MLIP: variants seen among roughly 807,000 people sequenced by gnomAD.
MLIP encodes the protein muscular LMNA interacting protein, also known as muscular LMNA-interacting protein.
Under a neutral mutation model 84.8 loss-of-function variants are expected in MLIP, and 79 were observed. That is an observed-to-expected ratio of 0.93 (90% CI 0.78 to 1.12). The LOEUF (loss-of-function observed/expected upper bound fraction) is 1.12. MLIP is among the 50% of genes most tolerant of loss of function. The probability of loss-of-function intolerance (pLI) is 0.00; values close to 1 mark genes in which losing one functional copy is unlikely to be tolerated. For synonymous variants in MLIP, 504 were observed against 463.0 expected, an observed-to-expected ratio of 1.09 and a Z score of -1.14; for missense variants, 1,257 against 1,160.6, an observed-to-expected ratio of 1.08 and a Z score of -1.21.
At chr6:54,246,467 T>A (rs139455485) in intron 12 of MLIP, among the ~76,000 whole-genome samples, 6 of 152,278 alleles carry the variant, frequency 3.9e-5, no homozygotes, top group African/African-American at 1.4e-4. Flanking sequence ...TGGTTCATAT[T>A]GGAGAGACAA....
chr6:54,025,755 C>T (rs958615067), intron 1 of MLIP, among the ~76,000 whole-genome samples: 49 of 151,604 alleles, frequency 3.2e-4, no homozygotes, highest in Admixed American at 6.6e-4. Context: ...CCTAAGCTGC[C>T]GGCTCATGTT....
intron 1 of MLIP, among the ~76,000 whole-genome samples, chr6:54,035,397 G>A (rs1479335654): frequency 1.3e-5 from 2 of 152,056 alleles, no homozygotes; most frequent in Non-Finnish European, 2.9e-5. Flanking sequence ...CCAATGTTTA[G>A]CTATTATAAA....
At chr6:54,071,911 C>T (rs571265867) in intron 1 of MLIP, among the ~76,000 whole-genome samples, 1 of 152,316 alleles carries the variant, frequency 6.6e-6, no homozygotes. Context: ...TGCCTATTGC[C>T]TCACAATCAT....
rs112434980 is a variant in MLIP at position 54,233,817 on chromosome 6, T to C, written c.2922+2900T>C. Among the ~76,000 whole-genome samples the C allele has an allele frequency of 3.9e-4, 59 of 152,290 alleles. 2 individuals are homozygous for C. Among genetic ancestry groups the C allele is most frequent in the African/African-American group, 1.4e-3 (58 of 41,574 alleles). The stretch of plus-strand genomic sequence containing the variant: ...AACTAATTTACACTCCCACCAACAG[T>C]GTAAAAGATTTCTTCTCTCTCCAGA... On this transcript the variant is annotated intron_variant, in intron 12 of 13. Transcript: ENST00000502396.
intron 11 of MLIP, among the ~76,000 whole-genome samples, chr6:54,206,032 A>G (rs1779013783): frequency 6.6e-6 from 1 of 152,182 alleles, no homozygotes; most frequent in African/African-American, 2.4e-5. Context: ...AATTCATTGG[A>G]CTAATGGGCA....
intron 12 of MLIP, among the ~76,000 whole-genome samples, chr6:54,245,596 T>C (rs909865274): frequency 2.0e-5 from 3 of 152,124 alleles, no homozygotes; most frequent in African/African-American, 7.2e-5. Flanking sequence ...TCTTTGCAAA[T>C]TGAGTTTTTA....
chr6:54,033,278 T>C (rs1764242274), intron 1 of MLIP, among the ~76,000 whole-genome samples: 2 of 151,758 alleles, frequency 1.3e-5, no homozygotes, highest in African/African-American at 4.8e-5. Context: ...TTTTTTTTTT[T>C]TTTTTTGAGA....
intron 1 of MLIP, chr6:54,040,984 G>A (rs1275155767): frequency 6.6e-6 from 1 of 152,058 alleles, no homozygotes; most frequent in East Asian, 1.9e-4. Context: ...CTACGTGGGT[G>A]AGGGGATCAA....
Position 54,065,418 on chromosome 6 carries a change from A to G in MLIP, c.63+46327A>G, listed in dbSNP as rs1358376765. 5.0e-5 allele frequency among the ~76,000 whole-genome samples: 5 copies of G among 100,952 alleles called. 2 individuals are homozygous for G. Among genetic ancestry groups the G allele is most frequent in the Non-Finnish European group, 1.4e-4 (5 of 35,130 alleles). 66.2% of individuals were successfully genotyped at this position (100,952 alleles called of 152,430 possible). On this transcript the variant is annotated intron_variant, in intron 1 of 12. Transcript: ENST00000274897. ...ATTTAGAGGCATATTCAAAGATATT[A>G]CTAAATGTATAAAGGGATTTGCACC...
intron 11 of MLIP, among the ~76,000 whole-genome samples, chr6:54,223,960 A>G (rs899416700): frequency 6.6e-6 from 1 of 151,646 alleles, no homozygotes; most frequent in Non-Finnish European, 1.5e-5. Flanking sequence ...AAAATGCTAA[A>G]TGAATAAGAA....
chr6:54,257,692 A>T (rs1783102287), intron 13 of MLIP, among the ~76,000 whole-genome samples: 1 of 152,016 alleles, frequency 6.6e-6, no homozygotes. Flanking sequence ...GGGTCAATGG[A>T]TGTCCCATAA....
intron 5 of MLIP, among the ~76,000 whole-genome samples, chr6:54,156,632 A>G (rs1308132885): frequency 2.0e-5 from 3 of 152,124 alleles, no homozygotes; most frequent in African/African-American, 7.2e-5. Context: ...CAAAGAGTTT[A>G]AATCACTTCT....
chr6:54,055,704 T>C (rs1765624307), intron 1 of MLIP, among the ~76,000 whole-genome samples: 1 of 152,130 alleles, frequency 6.6e-6, no homozygotes, highest in African/African-American at 2.4e-5. Flanking sequence ...AATATGATTA[T>C]TAAAATATAT....
chr6:54,226,010 C>G (rs1208499256), intron 11 of MLIP, among the ~76,000 whole-genome samples: 3 of 152,060 alleles, frequency 2.0e-5, no homozygotes, highest in Admixed American at 2.0e-4. Context: ...AGGGAGAAAG[C>G]CAAGTACTGA....
rs922748196 is a variant in MLIP at position 54,239,356 on chromosome 6, C to CATATATATATAATATATATATATATA, written c.2922+8451_2922+8476dup. On this transcript the variant is annotated intron_variant, in intron 12 of 13. Transcript: ENST00000502396. The stretch of plus-strand genomic sequence containing the variant: ...TTCTGATCAGTCTGGGCCATTTAAA[C>CATATATATATAATATATATATATATA]ATATATATATAATATATATATATAT... Among the ~76,000 whole-genome samples the CATATATATATAATATATATATATATA allele has an allele frequency of 3.8e-4, 53 of 140,586 alleles. 1 individual carries two copies. In the East Asian group the frequency reaches 7.1e-3, roughly 19 times the overall value. The allele number at this position is 140,586 out of a possible 152,430, so 92.2% of individuals were successfully genotyped here.
intron 12 of MLIP, among the ~76,000 whole-genome samples, chr6:54,239,858 T>C (rs78304822): frequency 0.025 from 3,863 of 152,214 alleles, 141 homozygotes; most frequent in African/African-American, 0.085. Context: ...TCTACCACTA[T>C]AATAAACCCT....
chr6:54,196,131 C>A (rs1778277538), intron 10 of MLIP, among the ~76,000 whole-genome samples: 1 of 151,980 alleles, frequency 6.6e-6, no homozygotes, highest in South Asian at 2.1e-4. Context: ...GATCAAAAAG[C>A]CAATTCAAGA....
intron 12 of MLIP, among the ~76,000 whole-genome samples, chr6:54,255,361 G>A (rs185841587): frequency 2.0e-5 from 3 of 152,140 alleles, no homozygotes; most frequent in African/African-American, 4.8e-5. Flanking sequence ...CACCTTACCA[G>A]GTTGTTGTGA....
intron 5 of MLIP, among the ~76,000 whole-genome samples, chr6:54,155,862 T>G (rs1458958621): frequency 6.6e-6 from 1 of 152,106 alleles, no homozygotes; most frequent in East Asian, 1.9e-4. Context: ...ACACTTGTAA[T>G]GAGAGTATTT....
Sources: gnomAD v4.1 joint callset for allele counts (sites outside exome capture counted in the v4.1 genomes callset) on GRCh38, gnomAD v4.1.1 for gene constraint, MANE v1.5 for transcripts, NCBI Gene and HGNC (gene_info 2026-07-23, HGNC 2026-07-21) for gene names.